Variants in PRUNE2 observed in about 807,000 individuals in gnomAD.
The protein encoded by PRUNE2 is protein prune homolog 2.
In PRUNE2, 164 loss-of-function variants were observed where a neutral mutation model predicts 252.0. That is an observed-to-expected ratio of 0.65 (90% CI 0.57 to 0.74). The LOEUF is 0.74. Among genes scored for constraint, PRUNE2 ranks in the 30% least tolerant of loss-of-function variants. PRUNE2 has a pLI of 0.00. For missense variants in PRUNE2, 3,495 were observed against 3,711.0 expected, an observed-to-expected ratio of 0.94 and a Z score of 1.51; for synonymous variants, 1,292 against 1,350.2, an observed-to-expected ratio of 0.96 and a Z score of 0.94.
At chr9:76,799,957 G>C (rs2056427399) in intron 6 of PRUNE2, among the ~76,000 whole-genome samples, 1 of 152,156 alleles carries the variant, frequency 6.6e-6, no homozygotes, top group Non-Finnish European at 1.5e-5. Flanking sequence ...CTGTTTTCTA[G>C]AAATGTCCCC....
At chr9:76,711,434 C>T (rs906063499) in intron 7 of PRUNE2, 76 bp from the exon 8 acceptor site, 34 of 860,562 alleles carry the variant, frequency 4.0e-5, no homozygotes, top group Non-Finnish European at 5.7e-5. Context: ...CAATTTATCT[C>T]GCTTAATTTT....
chr9:76,807,758 G>A (rs1018131898), intron 6 of PRUNE2, among the ~76,000 whole-genome samples: 1 of 152,170 alleles, frequency 6.6e-6, no homozygotes. Flanking sequence ...TGCAGCTAGA[G>A]GGAGATTCCC....
chr9:76,747,937 A>C (rs2050279952), intron 6 of PRUNE2, among the ~76,000 whole-genome samples: 1 of 152,066 alleles, frequency 6.6e-6, no homozygotes. Flanking sequence ...CTGGGATTAC[A>C]GGTGCAGGCC....
chr9:76,700,024 G>A (rs1477961896), intron 9 of PRUNE2, among the ~76,000 whole-genome samples: 1 of 152,196 alleles, frequency 6.6e-6, no homozygotes, highest in African/African-American at 2.4e-5. Context: ...AAGGATTCTG[G>A]AAAGATTGAT....
At position 76,729,277 on chromosome 9, in the gene PRUNE2, C is replaced by T. The variant is rs755867577; in HGVS notation, c.757-15556G>A. ...ATCACCTACAGGGCTTCTAAAAATA[C>T]GGACACCTGGGCCCCACTTCTAGCG... On this transcript the variant is annotated intron_variant, in intron 6 of 18. Coordinates refer to ENST00000376718, the MANE Select transcript of PRUNE2 (RefSeq NM_015225.3). Among the ~76,000 whole-genome samples, 11 of 152,258 alleles carry T rather than the reference C, an allele frequency of 7.2e-5. No homozygotes were observed. In the East Asian group the frequency reaches 7.7e-4, roughly 11 times the overall value.
At chr9:76,637,771 G>A (rs923853026) in intron 13 of PRUNE2, among the ~76,000 whole-genome samples, 8 of 152,168 alleles carry the variant, frequency 5.3e-5, no homozygotes, top group Non-Finnish European at 7.3e-5. Context: ...CTAGAAAAAT[G>A]TATGGGTTAG....
At chr9:76,764,801 G>T (rs189334599) in intron 6 of PRUNE2, among the ~76,000 whole-genome samples, 10 of 152,142 alleles carry the variant, frequency 6.6e-5, no homozygotes, top group Non-Finnish European at 1.3e-4. Flanking sequence ...CAAGCTATTT[G>T]CTTGGCTTCC....
rs146078738 is a variant in PRUNE2 at position 76,830,380 on chromosome 9, C to T, written c.509-3648G>A. 2.7e-4 allele frequency among the ~76,000 whole-genome samples: 41 copies of T among 152,210 alleles called. No homozygotes were observed. In the East Asian group the frequency reaches 5.8e-3, roughly 21 times the overall value. On this transcript the variant is annotated intron_variant, in intron 4 of 18. Coordinates refer to ENST00000376718, the MANE Select transcript of PRUNE2 (RefSeq NM_015225.3). ...TTAAAGAAAAACTGTGGGTTGGGCA[C>T]GGTGGCTCACACCTGTAATCCCAGC...
intron 11 of PRUNE2, among the ~76,000 whole-genome samples, chr9:76,645,689 G>A (rs1267347893): frequency 2.0e-5 from 3 of 151,738 alleles, no homozygotes; most frequent in Admixed American, 2.0e-4. Flanking sequence ...AGCAGCAATT[G>A]TTTCCATTTT....
Position 76,703,962 on chromosome 9 carries a change from T to C in PRUNE2, c.7651A>G (p.Ile2551Val), listed in dbSNP as rs746760417. 5 of 1,614,028 alleles carry C rather than the reference T, an allele frequency of 3.1e-6. No homozygotes were observed. The highest frequency in any genetic ancestry group is 1.3e-5 in the African/African-American group (1 of 75,058). The change falls in exon 9 of 19, where the codon ATA (isoleucine) becomes GTA (valine). Residue 2551 changes from isoleucine to valine, a missense_variant. Transcript: ENST00000376718. ...EDRHALHMDY[I>V]LVNREENSHS... Reference sequence around the variant, plus strand: ...GAATTTTCTTCACGGTTTACAAGTATGTAATCCATGTGTAGTGCATGACGA... The same window carrying C: ...GAATTTTCTTCACGGTTTACAAGTACGTAATCCATGTGTAGTGCATGACGA...
intron 16 of PRUNE2, among the ~76,000 whole-genome samples, chr9:76,627,234 A>G (rs1034639154): frequency 2.1e-5 from 3 of 142,376 alleles, no homozygotes; most frequent in African/African-American, 7.5e-5. Context: ...TTGAGTAGCT[A>G]GGACTACAGG....
At chr9:76,895,113 A>G (rs879277124) in intron 1 of PRUNE2, among the ~76,000 whole-genome samples, 2 of 152,120 alleles carry the variant, frequency 1.3e-5, no homozygotes, top group Non-Finnish European at 2.9e-5. Context: ...TGTTTTTTCA[A>G]CTGAGGGGAA....
intron 6 of PRUNE2, among the ~76,000 whole-genome samples, chr9:76,780,951 C>T (rs2054321162): frequency 6.6e-6 from 1 of 152,116 alleles, no homozygotes; most frequent in Non-Finnish European, 1.5e-5. Flanking sequence ...CTAGGACATC[C>T]ACCAAGTTTT....
At chr9:76,720,398 C>A (rs1474254180) in intron 6 of PRUNE2, among the ~76,000 whole-genome samples, 3 of 152,194 alleles carry the variant, frequency 2.0e-5, no homozygotes, top group Non-Finnish European at 4.4e-5. Flanking sequence ...TACGAGTCAG[C>A]CAAACATGAG....
chr9:76,839,342 C>T (rs376855635), intron 4 of PRUNE2, among the ~76,000 whole-genome samples: 66 of 152,174 alleles, frequency 4.3e-4, no homozygotes, highest in African/African-American at 1.5e-3. Flanking sequence ...GAAGTTACAT[C>T]CTGGAGTGAG....
intron 6 of PRUNE2, among the ~76,000 whole-genome samples, chr9:76,726,881 A>G (rs1316497919): frequency 6.6e-6 from 1 of 152,242 alleles, no homozygotes; most frequent in Non-Finnish European, 1.5e-5. Context: ...CCAGCCTTCC[A>G]GGCAGAGAAT....
At chr9:76,782,442 G>A (rs2054516006) in intron 6 of PRUNE2, among the ~76,000 whole-genome samples, 1 of 152,056 alleles carries the variant, frequency 6.6e-6, no homozygotes, top group Non-Finnish European at 1.5e-5. Flanking sequence ...TACAGCCTTG[G>A]GAAAGTTATT....
intron 16 of PRUNE2, among the ~76,000 whole-genome samples, chr9:76,626,049 T>C (rs1326047902): frequency 6.6e-6 from 1 of 152,194 alleles, no homozygotes; most frequent in Non-Finnish European, 1.5e-5. Flanking sequence ...GTATACTAAG[T>C]AAGGTTCATT....
intron 6 of PRUNE2, among the ~76,000 whole-genome samples, chr9:76,716,545 T>TC (rs1168698721): frequency 6.6e-6 from 1 of 152,194 alleles, no homozygotes; most frequent in Admixed American, 6.5e-5. Flanking sequence ...ATCATAAAAG[T>TC]CCCCTTAGGG....
Sources: allele counts gnomAD v4.1 joint callset (sites outside exome capture counted in the v4.1 genomes callset), GRCh38; gene constraint gnomAD v4.1.1; transcripts MANE v1.5; gene names NCBI Gene and HGNC (gene_info 2026-07-23, HGNC 2026-07-21).